Variants in ACAN observed in about 807,000 individuals in gnomAD.
ACAN encodes the protein aggrecan core protein.
Under a neutral mutation model 169.1 loss-of-function variants are expected in ACAN, and 47 were observed. That is an observed-to-expected ratio of 0.28 (90% CI 0.22 to 0.35). ACAN has a LOEUF of 0.35. ACAN is among the 10% of genes least tolerant of loss of function. ACAN has a pLI of 1.00. For synonymous variants in ACAN, 1,115 were observed against 1,112.2 expected, an observed-to-expected ratio of 1.00 and a Z score of -0.05; for missense variants, 2,716 against 2,759.9, an observed-to-expected ratio of 0.98 and a Z score of 0.36.
intron 7 of ACAN, among the ~76,000 whole-genome samples, chr15:88,846,695 G>A (rs1327119889): frequency 2.6e-5 from 4 of 152,198 alleles, no homozygotes; most frequent in African/African-American, 7.2e-5. Context: ...TAGCATTGAC[G>A]TTGTATCAGG....
At chr15:88,862,787 C>T (rs930948317) in intron 13 of ACAN, among the ~76,000 whole-genome samples, 1 of 152,138 alleles carries the variant, frequency 6.6e-6, no homozygotes, top group African/African-American at 2.4e-5. Flanking sequence ...TGCCTGAGGT[C>T]AGGAGTTCGA....
chr15:88,873,030 G>T lies in ACAN; in HGVS notation c.7447+5G>T, dbSNP rs761678644. The T allele has an allele frequency of 1.2e-6, 2 of 1,611,724 alleles. No homozygotes were observed. The highest frequency in any genetic ancestry group is 1.1e-5 in the South Asian group (1 of 90,550). Reference sequence around the variant, plus strand: ...TCACGTGTAAAAAGGGCACAGGTAAGCTGGCGCCTGGGAGGGGTCAGGGGA... The same window carrying T: ...TCACGTGTAAAAAGGGCACAGGTAATCTGGCGCCTGGGAGGGGTCAGGGGA... On this transcript the variant is annotated splice_donor_5th_base_variant and intron_variant, in intron 17 of 18. Coordinates refer to ENST00000560601, the MANE Select transcript of ACAN (RefSeq NM_001369268.1). The surrounding 1 kb of genome is among the most constrained non-coding windows in gnomAD (Gnocchi z 7.5).
chr15:88,826,374 CTTTTTTTTTTT>C (rs59069149), intron 1 of ACAN, among the ~76,000 whole-genome samples: 1 of 111,588 alleles, frequency 9.0e-6, no homozygotes, highest in African/African-American at 3.5e-5. Flanking sequence ...CCTTTTTTTT[CTTTTTTTTTTT>C]TTTTTTTTGG....
In ACAN at chr15:88,807,010, A is replaced by C. The variant is rs1334867824; in HGVS notation, c.-8+3201A>C. ...AAATGTATATATGCAAATATATACA[A>C]ATTTGATATTTGCATATATTTTTAT... On this transcript the variant is annotated intron_variant, in intron 1 of 18. Coordinates refer to ENST00000560601, the MANE Select transcript of ACAN (RefSeq NM_001369268.1). This position sits in a 1 kb window ranked among gnomAD's most constrained non-coding sequence, Gnocchi z 4.0. Among the ~76,000 whole-genome samples the C allele has an allele frequency of 6.6e-6, 1 of 152,150 alleles. No homozygotes were observed. Among genetic ancestry groups the C allele is most frequent in the African/African-American group, 2.4e-5 (1 of 41,422 alleles).
At chr15:88,828,741 TG>T (rs1351101958) in intron 1 of ACAN, among the ~76,000 whole-genome samples, 2 of 152,190 alleles carry the variant, frequency 1.3e-5, no homozygotes, top group African/African-American at 2.4e-5. Context: ...TGCGTGGAGC[TG>T]GCATTTGGAA....
At chr15:88,840,980 T>C (rs1896643784) in intron 4 of ACAN, among the ~76,000 whole-genome samples, 1 of 151,776 alleles carries the variant, frequency 6.6e-6, no homozygotes, top group Non-Finnish European at 1.5e-5. Context: ...CCATCTCTAC[T>C]AAAAAATACA....
At chr15:88,847,802 A>G (rs1157320608) in intron 8 of ACAN, 109 bp from the exon 9 acceptor site, 3 of 1,375,408 alleles carry the variant, frequency 2.2e-6, no homozygotes, top group Non-Finnish European at 2.0e-6. Context: ...CCACCAGACA[A>G]CTGAAGACAT....
chr15:88,811,746 C>T (rs2036103449), intron 1 of ACAN, among the ~76,000 whole-genome samples: 1 of 152,142 alleles, frequency 6.6e-6, no homozygotes, highest in Admixed American at 6.5e-5. Context: ...TGCCAGTCCC[C>T]TGGAAGACTT....
intron 1 of ACAN, among the ~76,000 whole-genome samples, chr15:88,812,715 C>G (rs1895851222): frequency 6.6e-6 from 1 of 152,088 alleles, no homozygotes; most frequent in Non-Finnish European, 1.5e-5. Context: ...AAAACAAACA[C>G]CCCCACTCCC....
chr15:88,819,943 G>A (rs1596116990), intron 1 of ACAN, among the ~76,000 whole-genome samples: 1 of 152,144 alleles, frequency 6.6e-6, no homozygotes. Flanking sequence ...AGACCAATCC[G>A]GGTTTGAATT....
At position 88,849,469 on chromosome 15, in the gene ACAN, G is replaced by T. The variant is rs1896877785; in HGVS notation, c.1764G>T (p.Gln588His). The T allele has an allele frequency of 1.9e-6, 3 of 1,604,650 alleles. No individual in the cohort carries two copies. Among genetic ancestry groups the T allele is most frequent in the African/African-American group, 2.7e-5 (2 of 74,750 alleles). Residue 588 changes from glutamine (Q) to histidine (H), a missense_variant, in exon 10 of 19, where the codon CAG (glutamine) becomes CAT (histidine). By Grantham distance (24) the Gln-to-His change is conservative. This residue lies in a region of ACAN where 1,283 missense variants were observed against 1,281.5 expected (regional missense o/e 1.00). Coordinates refer to ENST00000560601, the MANE Select transcript of ACAN (RefSeq NM_001369268.1). The surrounding 1 kb of genome is among the most constrained non-coding windows in gnomAD (Gnocchi z 5.1). ...TGTTCTTCGCCACACGCCTTGAGCA[G>T]TTCACCTTCCAGGAAGCACTGGAGT... ...GEVFFATRLE[Q>H]FTFQEALEFC... is the part of the protein sequence containing the mutation.
chr15:88,832,865 G>A (rs763509244), intron 1 of ACAN, among the ~76,000 whole-genome samples: 48 of 152,332 alleles, frequency 3.2e-4, no homozygotes, highest in South Asian at 6.2e-4. Context: ...AAGTTACACT[G>A]ATGGATGCTT....
At position 88,839,009 on chromosome 15, in the gene ACAN, C is replaced by A. The variant is rs375073497; in HGVS notation, c.417C>A (p.Ile139=). ...GVYRCEVMHG[I]EDSEATLEVV... ...ACCGCTGCGAGGTGATGCATGGCATCGAGGACAGCGAGGCCACCCTGGAAG... is the reference window on the plus strand; with the variant it reads ...ACCGCTGCGAGGTGATGCATGGCATAGAGGACAGCGAGGCCACCCTGGAAG... Residue 139 remains isoleucine, a synonymous_variant, in exon 3 of 19, where the codon ATC becomes ATA. Coordinates refer to ENST00000560601, the MANE Select transcript of ACAN (RefSeq NM_001369268.1). The surrounding 1 kb of genome is among the most constrained non-coding windows in gnomAD (Gnocchi z 4.5). The A allele has an allele frequency of 6.2e-7, 1 of 1,607,678 alleles. No individual in the cohort carries two copies. The highest frequency in any genetic ancestry group is 1.7e-5 in the Admixed American group (1 of 60,004).
Position 88,840,029 on chromosome 15 carries a change from A to C in ACAN, c.472A>C (p.Arg158=). 6.2e-7 allele frequency: 1 copy of C among 1,601,212 alleles called. No homozygotes were observed. Among genetic ancestry groups the C allele is most frequent in the Non-Finnish European group, 8.5e-7 (1 of 1,173,476 alleles). ...VVVKGIVFHY[R]AISTRYTLDF... ...TCTTGCAGGCATCGTGTTCCATTAC[A>C]GAGCCATCTCTACACGCTACACCCT... is the stretch of plus-strand genomic sequence containing the variant. Residue 158 remains arginine, a synonymous_variant, in exon 4 of 19, where the codon AGA becomes CGA. Transcript: ENST00000560601.
Position 88,857,419 on chromosome 15 carries a change from G to A in ACAN, c.4834G>A (p.Gly1612Arg), listed in dbSNP as rs777098563. 6.2e-7 allele frequency: 1 copy of A among 1,613,880 alleles called. No individual in the cohort carries two copies. The highest frequency in any genetic ancestry group is 2.2e-5 in the East Asian group (1 of 44,888). ...GDLDLGKLPS[G>R]TLGSGQAPET... Reference sequence around the variant, plus strand: ...CTTGGACTTGGGCAAACTGCCTTCTGGAACTCTAGGAAGTGGGCAAGCTCC... The same window carrying A: ...CTTGGACTTGGGCAAACTGCCTTCTAGAACTCTAGGAAGTGGGCAAGCTCC... The change falls in exon 12 of 19, where the codon GGA (glycine) becomes AGA (arginine). Residue 1612 changes from glycine to arginine, a missense_variant. Gly to Arg is a moderately radical substitution (Grantham distance 125). Around this residue, in one of 3 missense-constraint regions of ACAN, gnomAD observed 1,389 missense variants for 1,363.7 expected, o/e 1.02. Coordinates refer to ENST00000560601, the MANE Select transcript of ACAN (RefSeq NM_001369268.1).
rs565222498 is a variant in ACAN, at chr15:88,853,616, C to G, written c.2267-1236C>G. ...TGGTGCCACCGCACTGCAGCCTGGG[C>G]AACAGAGCAAGACCCTCTCTCCAAA... is the stretch of plus-strand genomic sequence containing the variant. On this transcript the variant is annotated intron_variant, in intron 11 of 18. Coordinates refer to ENST00000560601, the MANE Select transcript of ACAN (RefSeq NM_001369268.1). Among the ~76,000 whole-genome samples the G allele has an allele frequency of 2.0e-5, 3 of 151,936 alleles. No homozygotes were observed. In the East Asian group the frequency reaches 5.8e-4, roughly 29 times the overall value.
intron 1 of ACAN, among the ~76,000 whole-genome samples, chr15:88,828,523 A>C (rs1040888871): frequency 2.6e-5 from 4 of 151,986 alleles, no homozygotes; most frequent in Admixed American, 6.6e-5. Flanking sequence ...TCCCTAGCAC[A>C]GTGAGGGCAT....
intron 1 of ACAN, among the ~76,000 whole-genome samples, chr15:88,829,057 ACTGT>A (rs1339543344): frequency 6.6e-6 from 1 of 152,204 alleles, no homozygotes; most frequent in Non-Finnish European, 1.5e-5. Flanking sequence ...CCTGCTGCCA[ACTGT>A]CTGTTTCACA....
chr15:88,873,984 C>A lies in ACAN; in HGVS notation c.7590C>A (p.Pro2530=), dbSNP rs1348256042. The A allele has an allele frequency of 6.2e-7, 1 of 1,612,920 alleles. No individual in the cohort carries two copies. The highest frequency in any genetic ancestry group is 8.5e-7 in the Non-Finnish European group (1 of 1,179,836). The part of the protein sequence containing the change: ...QRHMPTIRCQ[P]SGHWEEPQIT... ...ACATGCCCACCATCCGGTGCCAGCC[C>A]AGCGGGCACTGGGAGGAGCCTCAGA... Residue 2530 remains proline, a synonymous_variant, in exon 18 of 19, where the codon CCC becomes CCA. Coordinates refer to ENST00000560601, the MANE Select transcript of ACAN (RefSeq NM_001369268.1). The surrounding 1 kb of genome is among the most constrained non-coding windows in gnomAD (Gnocchi z 7.5).
Sources: gnomAD v4.1 joint callset for allele counts (sites outside exome capture counted in the v4.1 genomes callset) on GRCh38, gnomAD v4.1.1 for gene constraint, gnomAD v4.1.1 regional missense constraint, Gnocchi (gnomAD v3.1) non-coding constraint, MANE v1.5 for transcripts, NCBI Gene and HGNC (gene_info 2026-07-23, HGNC 2026-07-21) for gene names.